GNAT3: variants seen among roughly 807,000 people sequenced by gnomAD.
GNAT3 encodes the protein guanine nucleotide-binding protein G(t) subunit alpha-3.
In GNAT3, 31 loss-of-function variants were observed where a neutral mutation model predicts 37.7. The observed-to-expected ratio is 0.82, with a 90% CI of 0.62 to 1.11. The LOEUF (loss-of-function observed/expected upper bound fraction) is 1.11, where lower values mean the gene tolerates loss of function less well. Among genes scored for constraint, GNAT3 ranks in the 50% most tolerant of loss-of-function variants. The pLI, the probability that GNAT3 is intolerant of heterozygous loss-of-function variation, is 0.00. For missense variants in GNAT3, 437 were observed against 412.5 expected (o/e 1.06, Z -0.51); for synonymous variants, 138 against 139.8 (o/e 0.99, Z 0.09).
At chr7:80,503,152 A>G (rs1584197801) in intron 1 of GNAT3, among the ~76,000 whole-genome samples, 1 of 152,180 alleles carries the variant, frequency 6.6e-6, no homozygotes, top group Non-Finnish European at 1.5e-5. Flanking sequence ...ATTCCTATGC[A>G]ATAACATATA....
At chr7:80,477,115 C>T (rs968098695) in intron 4 of GNAT3, among the ~76,000 whole-genome samples, 1 of 152,024 alleles carries the variant, frequency 6.6e-6, no homozygotes, top group Non-Finnish European at 1.5e-5. Context: ...GTAAAACATA[C>T]TTTAAGTATT....
chr7:80,489,068 C>G (rs1025646697), intron 2 of GNAT3, among the ~76,000 whole-genome samples: 1 of 151,980 alleles, frequency 6.6e-6, no homozygotes, highest in Non-Finnish European at 1.5e-5. Context: ...CTAGAGGAAG[C>G]GAAGTCATTT....
chr7:80,481,142 T>C (rs1360232470), intron 3 of GNAT3, among the ~76,000 whole-genome samples: 1 of 152,166 alleles, frequency 6.6e-6, no homozygotes, highest in Non-Finnish European at 1.5e-5. Flanking sequence ...GAGACACTGG[T>C]AAGGGTAAAA....
chr7:80,501,562 T>G (rs1307624339), intron 1 of GNAT3, among the ~76,000 whole-genome samples: 1 of 152,030 alleles, frequency 6.6e-6, no homozygotes, highest in African/African-American at 2.4e-5. Flanking sequence ...TTCCCATACC[T>G]TTTTTGTTTC....
chr7:80,493,700 C>G (rs1293706529), intron 2 of GNAT3, among the ~76,000 whole-genome samples: 8 of 123,318 alleles, frequency 6.5e-5, no homozygotes, highest in Admixed American at 3.2e-4. Flanking sequence ...CCTCCTCCTC[C>G]TCTTTGTTCC....
rs1562718671 is a variant in GNAT3 at position 80,462,143 on chromosome 7, AAG to A, written c.874+14_874+15del. 2.0e-6 allele frequency: 3 copies of A among 1,505,294 alleles called. No homozygotes were observed. The allele number at this position is 1,505,294 out of a possible 1,614,324, so 93.2% of individuals were successfully genotyped here. On this transcript the variant is annotated intron_variant, in intron 7 of 7. Transcript: ENST00000398291. ...CAAAAATTTATTTCTATGGAACTAA[AAG>A]AAAAAAATCTTACCAGTGTATTCTG...
At chr7:80,467,156 C>T (rs1790140890) in intron 5 of GNAT3, among the ~76,000 whole-genome samples, 1 of 152,110 alleles carries the variant, frequency 6.6e-6, no homozygotes. Flanking sequence ...GCATATCATG[C>T]AGCTTCTAAT....
At chr7:80,462,846 GAAT>G (rs1790074346) in intron 5 of GNAT3, among the ~76,000 whole-genome samples, 1 of 152,082 alleles carries the variant, frequency 6.6e-6, no homozygotes, top group African/African-American at 2.4e-5. Flanking sequence ...GTGCAAACTA[GAAT>G]AAAATAATTT....
chr7:80,505,540 A>G lies in GNAT3; in HGVS notation c.118+6269T>C, dbSNP rs758931051. Among the ~76,000 whole-genome samples, 30 of 152,068 alleles carry G rather than the reference A, an allele frequency of 2.0e-4. 1 individual carries two copies. The highest frequency in any genetic ancestry group is 3.4e-3 in the Middle Eastern group (1 of 294). ...CGCCAACACGCCCGGCTAACTTTTT[A>G]TATTTTTATTATAGACGGGGTTTCA... On this transcript the variant is annotated intron_variant, in intron 1 of 7. Coordinates refer to ENST00000398291, the MANE Select transcript of GNAT3 (RefSeq NM_001102386.3).
At chr7:80,481,089 T>C (rs1255210482) in intron 3 of GNAT3, among the ~76,000 whole-genome samples, 10 of 152,186 alleles carry the variant, frequency 6.6e-5, no homozygotes, top group Non-Finnish European at 1.5e-4. Context: ...ATCAAAAATC[T>C]GTTCTTTGTA....
chr7:80,511,110 C>A (rs1313530612), intron 1 of GNAT3, among the ~76,000 whole-genome samples: 1 of 151,806 alleles, frequency 6.6e-6, no homozygotes, highest in African/African-American at 2.4e-5. Flanking sequence ...TATTTTTATT[C>A]TTTCAATTAA....
intron 5 of GNAT3, among the ~76,000 whole-genome samples, chr7:80,473,866 G>C (rs1202714777): frequency 6.6e-6 from 1 of 152,064 alleles, no homozygotes; most frequent in Non-Finnish European, 1.5e-5. Flanking sequence ...AGATGTTATA[G>C]GAATATTTCA....
chr7:80,511,812 ATAG>A lies in GNAT3; in HGVS notation c.112_114del (p.Leu39del). On this transcript the variant is annotated inframe_deletion, in exon 1 of 8. Transcript: ENST00000398291. ...AGCAAAAGGGAAAAGAAATTACCTA[ATAG>A]TAGCAGCTTTACGGTTCTTGCATCT... is the stretch of plus-strand genomic sequence containing the variant. 6.3e-7 allele frequency: 1 copy of A among 1,596,522 alleles called. No homozygotes were observed. The highest frequency in any genetic ancestry group is 8.6e-7 in the Non-Finnish European group (1 of 1,165,850).
chr7:80,499,860 T>C (rs1790800308), intron 1 of GNAT3, among the ~76,000 whole-genome samples: 1 of 152,176 alleles, frequency 6.6e-6, no homozygotes, highest in Admixed American at 6.6e-5. Flanking sequence ...ATTATAAAAT[T>C]GGGCTAAAAC....
intron 3 of GNAT3, among the ~76,000 whole-genome samples, chr7:80,480,715 T>C (rs1419693690): frequency 6.6e-6 from 1 of 152,136 alleles, no homozygotes; most frequent in Admixed American, 6.6e-5. Flanking sequence ...ATTTGTAAAC[T>C]GTCATGGTGC....
chr7:80,507,467 T>G (rs1346612298), intron 1 of GNAT3, among the ~76,000 whole-genome samples: 5 of 152,012 alleles, frequency 3.3e-5, no homozygotes, highest in Admixed American at 3.3e-4. Flanking sequence ...TTATTGACAT[T>G]TGATTTATTT....
chr7:80,476,173 T>G (rs1050658877), intron 4 of GNAT3, among the ~76,000 whole-genome samples: 1 of 151,880 alleles, frequency 6.6e-6, no homozygotes, highest in Non-Finnish European at 1.5e-5. Flanking sequence ...AAGGACACAT[T>G]TATTTGCATG....
At chr7:80,501,013 T>G (rs1790822982) in intron 1 of GNAT3, among the ~76,000 whole-genome samples, 1 of 152,058 alleles carries the variant, frequency 6.6e-6, no homozygotes, top group South Asian at 2.1e-4. Flanking sequence ...TTGTCAAATT[T>G]TGTTGTCAAA....
chr7:80,500,193 G>A lies in GNAT3; in HGVS notation c.119-5546C>T, dbSNP rs1157943315. Among the ~76,000 whole-genome samples, 5 of 150,292 alleles carry A rather than the reference G, an allele frequency of 3.3e-5. No individual in the cohort carries two copies. In the East Asian group the frequency reaches 7.8e-4, roughly 23 times the overall value. On this transcript the variant is annotated intron_variant, in intron 1 of 7. Transcript: ENST00000398291. ...TCCTGGTGGGCTTGTTTATAAATAAGTAATTTTCTTAATAAAGACCATGAT... is the reference window on the plus strand; with the variant it reads ...TCCTGGTGGGCTTGTTTATAAATAAATAATTTTCTTAATAAAGACCATGAT...
Sources: gnomAD v4.1 joint callset for allele counts (sites outside exome capture counted in the v4.1 genomes callset) on GRCh38, gnomAD v4.1.1 for gene constraint, MANE v1.5 for transcripts, NCBI Gene and HGNC (gene_info 2026-07-23, HGNC 2026-07-21) for gene names.